Variants in ARL15 observed in about 807,000 individuals in gnomAD.
ARL15 encodes the protein ARF like GTPase 15.
ARL15 carries 19 observed loss-of-function variants against 25.2 expected under a neutral mutation model. The observed-to-expected ratio is 0.75, with a 90% CI of 0.53 to 1.10. The LOEUF is 1.10. ARL15 is among the 50% of genes least tolerant of loss of function. The probability of loss-of-function intolerance (pLI) is 0.00; values close to 1 mark genes in which losing one functional copy is unlikely to be tolerated. For missense variants in ARL15, 220 were observed against 246.0 expected, an observed-to-expected ratio of 0.89 and a Z score of 0.71; for synonymous variants, 94 against 86.8, an observed-to-expected ratio of 1.08 and a Z score of -0.46.
At chr5:54,001,877 C>T (rs1450763383) in intron 4 of ARL15, among the ~76,000 whole-genome samples, 1 of 152,210 alleles carries the variant, frequency 6.6e-6, no homozygotes, top group African/African-American at 2.4e-5. Flanking sequence ...AGTACCATTA[C>T]ACCTTGTACT....
intron 1 of ARL15, among the ~76,000 whole-genome samples, chr5:54,217,567 G>C (rs1756244497): frequency 6.6e-6 from 1 of 152,096 alleles, no homozygotes. Context: ...TCATCTACAA[G>C]TTAGTTGTAT....
At chr5:54,215,972 C>T (rs1379104044) in intron 1 of ARL15, among the ~76,000 whole-genome samples, 1 of 152,144 alleles carries the variant, frequency 6.6e-6, no homozygotes, top group Non-Finnish European at 1.5e-5. Flanking sequence ...CAAGGGCCTC[C>T]TATTGAACTC....
chr5:54,021,048 G>A (rs894465499), intron 4 of ARL15, among the ~76,000 whole-genome samples: 4 of 151,856 alleles, frequency 2.6e-5, no homozygotes, highest in Admixed American at 1.3e-4. Context: ...CATAAAAATG[G>A]TTTAGGGCCA....
At chr5:54,116,806 C>G (rs1056945985) in intron 3 of ARL15, among the ~76,000 whole-genome samples, 1 of 151,998 alleles carries the variant, frequency 6.6e-6, no homozygotes, top group East Asian at 1.9e-4. Context: ...TGTAACTTGC[C>G]CAAGGTTACA....
intron 1 of ARL15, among the ~76,000 whole-genome samples, chr5:54,235,322 A>T (rs1225145897): frequency 6.6e-6 from 1 of 152,224 alleles, no homozygotes; most frequent in African/African-American, 2.4e-5. Context: ...AATACACTCA[A>T]CCTTATCAGA....
chr5:54,062,527 A>AAAC (rs796366308), intron 4 of ARL15, among the ~76,000 whole-genome samples: 3,087 of 151,688 alleles, frequency 0.02, 103 homozygotes, highest in African/African-American at 0.07. Flanking sequence ...GAAAAAAAAA[A>AAAC]AAAAAACAAC....
chr5:53,964,571 A>G (rs913532313), intron 4 of ARL15, among the ~76,000 whole-genome samples: 6 of 152,158 alleles, frequency 3.9e-5, no homozygotes, highest in Non-Finnish European at 7.3e-5. Context: ...CGTGTTAGCC[A>G]GGATGGTCTT....
chr5:54,113,298 C>T lies in ARL15; in HGVS notation c.366G>A (p.Glu122=), dbSNP rs745957067. ...SEDDLEAARN[E]LHSALQHPQL... is the part of the protein sequence containing the mutation. ...GTGGATGCTGAAGAGCTGAGTGCAG[C>T]TCATTTCTAGCAGCTTCTAAATCAT... The change falls in exon 4 of 5, where the codon GAG becomes GAA. Residue 122 remains glutamate (E), a synonymous_variant. Transcript: ENST00000504924. The T allele has an allele frequency of 1.9e-6, 3 of 1,613,962 alleles. No homozygotes were observed. Among genetic ancestry groups the T allele is most frequent in the South Asian group, 2.2e-5 (2 of 91,086 alleles).
At chr5:53,999,596 A>C (rs1322173826) in intron 4 of ARL15, among the ~76,000 whole-genome samples, 1 of 151,644 alleles carries the variant, frequency 6.6e-6, no homozygotes, top group African/African-American at 2.4e-5. Context: ...CATTTCAAAA[A>C]AATAAAAATA....
intron 1 of ARL15, among the ~76,000 whole-genome samples, chr5:54,275,851 ATT>A (rs758344540): frequency 3.7e-5 from 5 of 136,892 alleles, no homozygotes; most frequent in African/African-American, 5.4e-5. Context: ...CGCCTGGCTA[ATT>A]TTTTTTTTTT....
chr5:54,235,242 G>A (rs1756770676), intron 1 of ARL15, among the ~76,000 whole-genome samples: 1 of 152,106 alleles, frequency 6.6e-6, no homozygotes, highest in Non-Finnish European at 1.5e-5. Context: ...TTTTAACTCT[G>A]TATGTTAATG....
chr5:54,180,453 A>G (rs1755023808), intron 1 of ARL15, among the ~76,000 whole-genome samples: 1 of 152,234 alleles, frequency 6.6e-6, no homozygotes, highest in Non-Finnish European at 1.5e-5. Flanking sequence ...AGTGCTGTGA[A>G]GAGGCCCCTG....
chr5:53,921,569 T>C (rs1044284068), intron 4 of ARL15, among the ~76,000 whole-genome samples: 6 of 152,142 alleles, frequency 3.9e-5, no homozygotes, highest in African/African-American at 1.4e-4. Flanking sequence ...GGTCAGGAGT[T>C]CAAGACCAGC....
intron 1 of ARL15, among the ~76,000 whole-genome samples, chr5:54,200,924 G>A (rs1166200091): frequency 6.6e-6 from 1 of 152,062 alleles, no homozygotes; most frequent in Non-Finnish European, 1.5e-5. Context: ...GTAACAAAAA[G>A]CCTACCTTCT....
At position 54,178,572 on chromosome 5, in the gene ARL15, C is replaced by T. The variant is rs1754954977; in HGVS notation, c.49-6644G>A. 2.0e-5 allele frequency among the ~76,000 whole-genome samples: 3 copies of T among 152,072 alleles called. No homozygotes were observed. In the South Asian group the frequency reaches 6.2e-4, roughly 32 times the overall value. ...TACCTAAAGGGAAGAGAAAAGTCACCCATAACTTTAAGTGGATATATTTCT... is the reference window on the plus strand; with the variant it reads ...TACCTAAAGGGAAGAGAAAAGTCACTCATAACTTTAAGTGGATATATTTCT... On this transcript the variant is annotated intron_variant, in intron 1 of 4. Transcript: ENST00000504924.
Position 54,075,073 on chromosome 5 carries a change from G to GAAAAAAAAAAAAAA in ARL15, c.462+38115_462+38128dup, listed in dbSNP as rs3836818. Among the ~76,000 whole-genome samples the GAAAAAAAAAAAAAA allele has an allele frequency of 6.4e-4, 41 of 63,898 alleles. 3 individuals are homozygous for GAAAAAAAAAAAAAA. Among genetic ancestry groups the GAAAAAAAAAAAAAA allele is most frequent in the Non-Finnish European group, 9.4e-4 (33 of 35,246 alleles). The allele number at this position is 63,898 out of a possible 152,430, so 41.9% of individuals were successfully genotyped here. Reference sequence around the variant, plus strand: ...GAATGATTCTTAGTACAGAATACAGGAAAAAAAAAAAAAAAAAAAGTCCTG... The same window carrying GAAAAAAAAAAAAAA: ...GAATGATTCTTAGTACAGAATACAGGAAAAAAAAAAAAAAAAAAAAAAAAAAAAAAAAAGTCCTG... On this transcript the variant is annotated intron_variant, in intron 4 of 4. Transcript: ENST00000504924.
At chr5:54,052,281 A>T (rs960837431) in intron 4 of ARL15, among the ~76,000 whole-genome samples, 7 of 152,056 alleles carry the variant, frequency 4.6e-5, no homozygotes, top group African/African-American at 1.4e-4. Context: ...TATGCAAATT[A>T]AAAAAAATTA....
At chr5:53,999,315 G>C (rs1467680282) in intron 4 of ARL15, among the ~76,000 whole-genome samples, 2 of 152,224 alleles carry the variant, frequency 1.3e-5, no homozygotes, top group African/African-American at 4.8e-5. Flanking sequence ...AAGGCCGGGC[G>C]TGGTGGCTCA....
intron 4 of ARL15, among the ~76,000 whole-genome samples, chr5:54,001,603 C>A (rs1205328797): frequency 1.3e-5 from 2 of 152,136 alleles, no homozygotes; most frequent in Non-Finnish European, 2.9e-5. Context: ...TTTTTAAGGG[C>A]TTTATTTTCT....
Sources: allele counts gnomAD v4.1 joint callset (sites outside exome capture counted in the v4.1 genomes callset), GRCh38; gene constraint gnomAD v4.1.1; transcripts MANE v1.5; gene names NCBI Gene and HGNC (gene_info 2026-07-23, HGNC 2026-07-21).